Variants in PCDH11X observed in about 807,000 individuals in gnomAD.
PCDH11X encodes the protein protocadherin-11 X-linked.
PCDH11X carries 18 observed loss-of-function variants against 53.3 expected under a neutral mutation model. The observed-to-expected ratio is 0.34, with a 90% CI of 0.23 to 0.50. The LOEUF (loss-of-function observed/expected upper bound fraction) is 0.50, where lower values mean the gene tolerates loss of function less well. PCDH11X is among the 20% of genes least tolerant of loss of function. The pLI is 0.98. For synonymous variants in PCDH11X, 279 were observed against 393.3 expected (o/e 0.71, Z 3.44); for missense variants, 570 against 1,032.4 (o/e 0.55, Z 6.14).
intron 7 of PCDH11X, among the ~76,000 whole-genome samples, chrX:92,254,351 G>A (rs940050483): frequency 1.8e-5 from 2 of 110,725 alleles, no homozygotes; most frequent in Non-Finnish European, 3.8e-5. Flanking sequence ...CGTGAGATGG[G>A]TTTCCTGAAA....
intron 6 of PCDH11X, among the ~76,000 whole-genome samples, chrX:92,100,245 C>T (rs905934306): frequency 1.6e-4 from 18 of 111,444 alleles, no homozygotes; most frequent in African/African-American, 5.6e-4. Flanking sequence ...TCCTTTCATG[C>T]GCGTCCCTGT....
chrX:91,933,480 C>T (rs1474920569), intron 6 of PCDH11X, among the ~76,000 whole-genome samples: 1 of 111,185 alleles, frequency 9.0e-6, no homozygotes, highest in African/African-American at 3.3e-5. Context: ...ATTTTTTCAA[C>T]CTTCAAACAC....
chrX:92,215,026 C>T (rs1021438650), intron 7 of PCDH11X, among the ~76,000 whole-genome samples: 3 of 111,426 alleles, frequency 2.7e-5, no homozygotes, highest in East Asian at 5.7e-4. Context: ...CTAGCCCCGG[C>T]GACGGAAGGG....
chrX:92,394,487 C>T (rs1462421205), intron 9 of PCDH11X, among the ~76,000 whole-genome samples: 1 of 110,582 alleles, frequency 9.0e-6, no homozygotes, highest in African/African-American at 3.3e-5. Flanking sequence ...TCACAATAAA[C>T]CTTCTCTTGC....
At chrX:92,187,113 A>T (rs1218665895) in intron 6 of PCDH11X, among the ~76,000 whole-genome samples, 3 of 111,949 alleles carry the variant, frequency 2.7e-5, no homozygotes. Flanking sequence ...CAACAAAAAA[A>T]TCACTATTTT....
At chrX:92,225,597 A>G (rs891641611) in intron 7 of PCDH11X, among the ~76,000 whole-genome samples, 3 of 111,626 alleles carry the variant, frequency 2.7e-5, no homozygotes, top group Non-Finnish European at 5.6e-5. Flanking sequence ...AGATCAGGAA[A>G]GAATTCTTGT....
At chrX:92,303,882 T>A (rs1289928697) in intron 8 of PCDH11X, among the ~76,000 whole-genome samples, 1 of 110,078 alleles carries the variant, frequency 9.1e-6, no homozygotes, top group African/African-American at 3.3e-5. Flanking sequence ...CCTCACAAGA[T>A]AAACAGTTCT....
At chrX:92,017,543 A>AG (rs2062815954) in intron 6 of PCDH11X, among the ~76,000 whole-genome samples, 1 of 106,525 alleles carries the variant, frequency 9.4e-6, no homozygotes, top group Non-Finnish European at 1.9e-5. Context: ...TATAAAAAAA[A>AG]AAAAATAGCT....
intron 6 of PCDH11X, among the ~76,000 whole-genome samples, chrX:92,182,233 A>C (rs1448113958): frequency 2.7e-5 from 3 of 111,856 alleles, no homozygotes; most frequent in Non-Finnish European, 5.6e-5. Context: ...TTGGACTTGC[A>C]TGGGACTTGT....
chrX:91,873,005 A>C (rs1939406626), intron 5 of PCDH11X, among the ~76,000 whole-genome samples: 1 of 109,393 alleles, frequency 9.1e-6, no homozygotes, highest in Non-Finnish European at 1.9e-5. Flanking sequence ...TTTGACGTCA[A>C]CTTAGATATC....
At chrX:91,892,741 G>T (rs1333502074) in intron 6 of PCDH11X, among the ~76,000 whole-genome samples, 4 of 104,973 alleles carry the variant, frequency 3.8e-5, no homozygotes, top group Admixed American at 3.1e-4. Flanking sequence ...TCGCTCTGTT[G>T]CCCAGGCTGG....
chrX:92,106,195 G>T (rs369897251), intron 6 of PCDH11X, among the ~76,000 whole-genome samples: 2 of 106,479 alleles, frequency 1.9e-5, no homozygotes, highest in South Asian at 7.9e-4. Context: ...TAAAAATGTT[G>T]CTGTTCTTGT....
chrX:91,787,395 T>G (rs894702959), intron 1 of PCDH11X, among the ~76,000 whole-genome samples: 8 of 111,554 alleles, frequency 7.2e-5, no homozygotes, highest in African/African-American at 2.3e-4. Context: ...TTCAAATCAT[T>G]GTTTGTTGTC....
chrX:91,875,566 C>T (rs1168144676), intron 5 of PCDH11X, among the ~76,000 whole-genome samples: 2 of 110,252 alleles, frequency 1.8e-5, no homozygotes, highest in Non-Finnish European at 3.8e-5. Flanking sequence ...GCTGGAATTA[C>T]AGGCGTGAGC....
At chrX:92,415,521 T>C (rs900402278) in intron 9 of PCDH11X, among the ~76,000 whole-genome samples, 1 of 111,505 alleles carries the variant, frequency 9.0e-6, no homozygotes, top group African/African-American at 3.2e-5. Context: ...CAAAAAATAG[T>C]ATTTTTACTT....
At chrX:91,822,867 C>A (rs372751279) in intron 4 of PCDH11X, among the ~76,000 whole-genome samples, 1 of 111,204 alleles carries the variant, frequency 9.0e-6, no homozygotes, top group Non-Finnish European at 1.9e-5. Context: ...GATTCTGGTA[C>A]GTTGTGTCTT....
chrX:91,788,297 A>G (rs1379857084), intron 1 of PCDH11X, among the ~76,000 whole-genome samples: 1 of 111,759 alleles, frequency 8.9e-6, no homozygotes, highest in Non-Finnish European at 1.9e-5. Context: ...TTTGTATTGA[A>G]TAGAGATTAT....
At chrX:92,503,048 T>TA (rs764378836) in intron 10 of PCDH11X, among the ~76,000 whole-genome samples, 9 of 107,165 alleles carry the variant, frequency 8.4e-5, no homozygotes, top group Non-Finnish European at 1.4e-4. Flanking sequence ...AACACCTTCA[T>TA]AAAAAAATTG....
chrX:91,986,763 C>T (rs1247266031), intron 6 of PCDH11X, among the ~76,000 whole-genome samples: 1 of 106,792 alleles, frequency 9.4e-6, no homozygotes, highest in East Asian at 3.0e-4. Flanking sequence ...GGCCCACCTG[C>T]CTAACCCAGG....
Sources: allele counts gnomAD v4.1 joint callset (sites outside exome capture counted in the v4.1 genomes callset), GRCh38; gene constraint gnomAD v4.1.1; transcripts MANE v1.5; gene names NCBI Gene and HGNC (gene_info 2026-07-23, HGNC 2026-07-21).